C4orf36: variants seen among roughly 807,000 people sequenced by gnomAD.
C4orf36 encodes the protein uncharacterized protein C4orf36.
Under a neutral mutation model 12.2 loss-of-function variants are expected in C4orf36, and 11 were observed. The ratio of observed to expected loss-of-function variants is 0.90; its 90% CI spans 0.57 to 1.49. The LOEUF (loss-of-function observed/expected upper bound fraction) is 1.49, where lower values mean the gene tolerates loss of function less well. C4orf36 is among the 40% of genes most tolerant of loss of function. The pLI, the probability that C4orf36 is intolerant of heterozygous loss-of-function variation, is 0.00. For missense variants in C4orf36, 137 were observed against 133.9 expected (o/e 1.02, Z -0.11); for synonymous variants, 54 against 51.3 (o/e 1.05, Z -0.22).
chr4:86,889,309 C>G (rs886921916), intron 2 of C4orf36, among the ~76,000 whole-genome samples: 4 of 150,176 alleles, frequency 2.7e-5, no homozygotes, highest in African/African-American at 9.8e-5. Flanking sequence ...TGAGATCATG[C>G]CACTGCACTT....
the C4orf36 span, among the ~76,000 whole-genome samples, chr4:86,929,931 C>T: frequency 0.15 from 22,934 of 152,122 alleles, 2,065 homozygotes; most frequent in East Asian, 0.28. Context: ...ATAAGTTCCA[C>T]GTTAGATACA....
At chr4:86,930,967 A>C in the C4orf36 span, among the ~76,000 whole-genome samples, 1 of 152,212 alleles carries the variant, frequency 6.6e-6, no homozygotes, top group African/African-American at 2.4e-5. Flanking sequence ...CCCACAATCT[A>C]TACCTGGCTT....
the C4orf36 span, among the ~76,000 whole-genome samples, chr4:86,911,526 C>G: frequency 6.6e-6 from 1 of 152,184 alleles, no homozygotes; most frequent in Non-Finnish European, 1.5e-5. Context: ...CTTCTGAGCT[C>G]AGATGAAGAT....
At chr4:86,903,840 A>G in the C4orf36 span, among the ~76,000 whole-genome samples, 1 of 152,158 alleles carries the variant, frequency 6.6e-6, no homozygotes, top group Non-Finnish European at 1.5e-5. Flanking sequence ...AGCTAGACAG[A>G]GTGGTGATTG....
chr4:86,887,193 C>T (rs1747208603), intron 4 of C4orf36: 2 of 152,232 alleles, frequency 1.3e-5, no homozygotes, highest in East Asian at 3.9e-4. Context: ...AGCACACCAA[C>T]ATGGCCCATG....
chr4:86,877,810 T>C (rs1262463850), intron 4 of C4orf36, among the ~76,000 whole-genome samples: 2 of 152,178 alleles, frequency 1.3e-5, no homozygotes, highest in Non-Finnish European at 2.9e-5. Flanking sequence ...CCCAGGATGC[T>C]TTGATTGTTC....
At chr4:86,901,412 A>T in the C4orf36 span, among the ~76,000 whole-genome samples, 3 of 150,624 alleles carry the variant, frequency 2.0e-5, no homozygotes, top group Admixed American at 1.3e-4. Context: ...TTATTTATTT[A>T]TTTTTTATTT....
chr4:86,880,117 C>G (rs12503661), intron 4 of C4orf36, among the ~76,000 whole-genome samples: 139,168 of 152,246 alleles, frequency 0.91, 64,613 homozygotes, highest in Non-Finnish European at 0.99. Context: ...GCCTCCCAAC[C>G]TTCTGGGATT....
chr4:86,921,972 T>C, the C4orf36 span, among the ~76,000 whole-genome samples: 1 of 152,202 alleles, frequency 6.6e-6, no homozygotes, highest in South Asian at 2.1e-4. Context: ...TCAAGTATAA[T>C]TTTTTAGAAG....
chr4:86,900,985 CTT>C, the C4orf36 span, among the ~76,000 whole-genome samples: 28 of 137,980 alleles, frequency 2.0e-4, no homozygotes, highest in Non-Finnish European at 1.7e-4. Context: ...GCAGTGGTTC[CTT>C]TTTTTTTTTT....
intron 4 of C4orf36, among the ~76,000 whole-genome samples, chr4:86,877,068 C>T (rs968988033): frequency 1.3e-5 from 2 of 152,104 alleles, no homozygotes; most frequent in East Asian, 1.9e-4. Flanking sequence ...GAGTTCAGGC[C>T]GCTCAGTGGG....
the C4orf36 span, among the ~76,000 whole-genome samples, chr4:86,902,418 C>CAAAAA: frequency 7.3e-4 from 43 of 58,904 alleles, no homozygotes; most frequent in Middle Eastern, 0.01. Context: ...ATGAGACTCT[C>CAAAAA]AAAAAAAAAA....
chr4:86,882,531 C>T (rs569216675), intron 4 of C4orf36, among the ~76,000 whole-genome samples: 2 of 152,264 alleles, frequency 1.3e-5, no homozygotes, highest in Non-Finnish European at 2.9e-5. Context: ...CAGGAGCTAT[C>T]ACAGCCCTCC....
At chr4:86,882,154 A>C (rs191967126) in intron 4 of C4orf36, among the ~76,000 whole-genome samples, 5 of 152,328 alleles carry the variant, frequency 3.3e-5, no homozygotes, top group Non-Finnish European at 7.3e-5. Context: ...CAGTTTTCAG[A>C]GGTTCAGAAA....
At chr4:86,915,048 C>A in the C4orf36 span, among the ~76,000 whole-genome samples, 2 of 152,114 alleles carry the variant, frequency 1.3e-5, no homozygotes, top group Admixed American at 6.6e-5. Flanking sequence ...CTGTATATGA[C>A]CAACCTCCCA....
chr4:86,893,616 C>G (rs1387800933), upstream of C4orf36, among the ~76,000 whole-genome samples: 1 of 151,716 alleles, frequency 6.6e-6, no homozygotes, highest in East Asian at 1.9e-4. Flanking sequence ...AGTAACCTTT[C>G]CATCTGACAA....
chr4:86,930,005 T>C, the C4orf36 span, among the ~76,000 whole-genome samples: 1 of 152,184 alleles, frequency 6.6e-6, no homozygotes, highest in Non-Finnish European at 1.5e-5. Flanking sequence ...AGGGTGATAG[T>C]CTGGAACTTA....
At chr4:86,913,802 C>T in the C4orf36 span, 3 of 1,083,878 alleles carry the variant, frequency 2.8e-6, no homozygotes, top group South Asian at 2.6e-5. Flanking sequence ...TGCCCCAGTG[C>T]ATACTGACTG....
chr4:86,895,047 C>A (rs1747558981), upstream of C4orf36, among the ~76,000 whole-genome samples: 1 of 152,142 alleles, frequency 6.6e-6, no homozygotes, highest in Admixed American at 6.5e-5. Context: ...CACGGTGGCT[C>A]ATGCCTGTAA....
Sources: gnomAD v4.1 joint callset for allele counts (sites outside exome capture counted in the v4.1 genomes callset) on GRCh38, gnomAD v4.1.1 for gene constraint, MANE v1.5 for transcripts, NCBI Gene and HGNC (gene_info 2026-07-23, HGNC 2026-07-21) for gene names.